Variants in PHF24 observed in about 807,000 individuals in gnomAD.
PHF24 encodes the protein PHD finger protein 24, also known as Galpha inhibitory interacting protein.
PHF24 carries 25 observed loss-of-function variants against 42.6 expected under a neutral mutation model. The ratio of observed to expected loss-of-function variants is 0.59; its 90% confidence interval spans 0.43 to 0.82. PHF24 has a LOEUF of 0.82. Ranked by LOEUF, PHF24 falls within the 40% of genes least tolerant of loss-of-function variation. The pLI, the probability that PHF24 is intolerant of heterozygous loss-of-function variation, is 0.00. For missense variants in PHF24, 470 were observed against 538.1 expected (o/e 0.87, Z 1.25); for synonymous variants, 185 against 204.8 (o/e 0.90, Z 0.83).
the PHF24 span, among the ~76,000 whole-genome samples, chr9:34,866,553 A>T: frequency 6.6e-6 from 1 of 152,114 alleles, no homozygotes; most frequent in African/African-American, 2.4e-5. Context: ...AGGGCCTATA[A>T]AAAAAATGCA....
At position 34,975,290 on chromosome 9, in the gene PHF24, C is replaced by T. The variant is rs113780513; in HGVS notation, c.565-862C>T. On this transcript the variant is annotated intron_variant, in intron 3 of 7. Transcript: ENST00000242315. ...CTCACAGTGTTACACACCACTGTGG[C>T]GCCCAGTGTTTACTAGGTGCTCAGT... Among the ~76,000 whole-genome samples, 18 of 152,252 alleles carry T rather than the reference C, an allele frequency of 1.2e-4. No homozygotes were observed. In the South Asian group the frequency reaches 2.3e-3, roughly 19 times the overall value.
chr9:34,787,934 G>A, the PHF24 span, among the ~76,000 whole-genome samples: 1 of 152,052 alleles, frequency 6.6e-6, no homozygotes, highest in African/African-American at 2.4e-5. Context: ...ATTGTTTTCT[G>A]TAAAATTATA....
chr9:34,957,509 G>A (rs1482519825), upstream of PHF24: 1 of 152,200 alleles, frequency 6.6e-6, no homozygotes, highest in Admixed American at 6.5e-5. Context: ...CTTCTGACAA[G>A]CTAGCTGTTT....
At chr9:34,711,708 A>T in the PHF24 span, among the ~76,000 whole-genome samples, 2 of 151,664 alleles carry the variant, frequency 1.3e-5, no homozygotes, top group African/African-American at 4.8e-5. Context: ...ACATCCAGCT[A>T]ATTTTTCTAT....
the PHF24 span, among the ~76,000 whole-genome samples, chr9:34,891,329 T>C: frequency 6.6e-6 from 1 of 152,202 alleles, no homozygotes; most frequent in African/African-American, 2.4e-5. Context: ...CAGTGATTTG[T>C]AGTCCCAACA....
chr9:34,744,541 G>A, the PHF24 span, among the ~76,000 whole-genome samples: 6 of 152,110 alleles, frequency 3.9e-5, no homozygotes, highest in Admixed American at 3.9e-4. Context: ...TTGTTCATTT[G>A]TCACTAAATA....
At chr9:34,687,493 A>G in the PHF24 span, among the ~76,000 whole-genome samples, 3 of 152,182 alleles carry the variant, frequency 2.0e-5, no homozygotes, top group Non-Finnish European at 4.4e-5. Flanking sequence ...GCCCAGAGTC[A>G]CACAATGAGT....
At chr9:34,690,267 A>G in the PHF24 span, 1 of 1,614,066 alleles carries the variant, frequency 6.2e-7, no homozygotes, top group East Asian at 2.2e-5. Flanking sequence ...GTTCCTCACG[A>G]TGTACCCAGG....
chr9:34,795,673 A>G, the PHF24 span, among the ~76,000 whole-genome samples: 1 of 152,190 alleles, frequency 6.6e-6, no homozygotes, highest in Non-Finnish European at 1.5e-5. Context: ...ATGACTTACT[A>G]TAAAACTACA....
the PHF24 span, chr9:34,726,694 G>A: frequency 3.0e-5 from 46 of 1,551,504 alleles, no homozygotes; most frequent in Non-Finnish European, 3.8e-5. Flanking sequence ...CAGCTGACTG[G>A]GTTAAAGATT....
At chr9:34,976,869 C>A (rs1827209579) in intron 5 of PHF24, 129 bp downstream of exon 5, 1 of 924,496 alleles carries the variant, frequency 1.1e-6, no homozygotes, top group Non-Finnish European at 1.6e-6. Flanking sequence ...GGCTCAGGTT[C>A]CATCCAGTGA....
the PHF24 span, among the ~76,000 whole-genome samples, chr9:34,870,741 A>G: frequency 3.3e-5 from 5 of 152,138 alleles, no homozygotes; most frequent in African/African-American, 1.2e-4. Context: ...TGGCAAAGAC[A>G]TGGAATCAAC....
chr9:34,971,401 C>T lies in PHF24; in HGVS notation c.103C>T (p.Arg35Ter), dbSNP rs1055523080. The change falls in exon 2 of 8, where the codon CGA (arginine) becomes TGA (stop). Residue 35 changes from arginine to a stop codon, truncating the protein, a stop_gained. Coordinates refer to ENST00000242315, the Ensembl canonical transcript of PHF24. LOFTEE classifies it high-confidence loss of function. Reference sequence around the variant, plus strand: ...TGGGCTGCGGGACAGGCCTTCCATCCGACGCACAGGTGAGCTGCCAGGGTC... The same window carrying T: ...TGGGCTGCGGGACAGGCCTTCCATCTGACGCACAGGTGAGCTGCCAGGGTC... 11 of 1,614,094 alleles carry T rather than the reference C, an allele frequency of 6.8e-6. No homozygotes were observed. Among genetic ancestry groups the T allele is most frequent in the Middle Eastern group, 1.6e-4 (1 of 6,062 alleles).
At chr9:34,803,589 G>T in the PHF24 span, among the ~76,000 whole-genome samples, 3 of 152,118 alleles carry the variant, frequency 2.0e-5, no homozygotes, top group Admixed American at 2.0e-4. Flanking sequence ...AAATGGTTCT[G>T]CTATTCTTCT....
At chr9:34,732,631 T>C in the PHF24 span, among the ~76,000 whole-genome samples, 1 of 152,118 alleles carries the variant, frequency 6.6e-6, no homozygotes, top group African/African-American at 2.4e-5. Flanking sequence ...TGTGAGCCCA[T>C]TTGTCCACTT....
At chr9:34,703,573 C>T in the PHF24 span, among the ~76,000 whole-genome samples, 1 of 151,896 alleles carries the variant, frequency 6.6e-6, no homozygotes, top group Non-Finnish European at 1.5e-5. Context: ...GGAATTGTGG[C>T]CAGCCAAAGT....
the PHF24 span, among the ~76,000 whole-genome samples, chr9:34,856,682 C>T: frequency 1.3e-5 from 2 of 152,182 alleles, no homozygotes; most frequent in African/African-American, 4.8e-5. Flanking sequence ...GGGGCACCAA[C>T]CTAATGCCAG....
At chr9:34,847,238 A>G in the PHF24 span, among the ~76,000 whole-genome samples, 1 of 152,146 alleles carries the variant, frequency 6.6e-6, no homozygotes, top group Non-Finnish European at 1.5e-5. Flanking sequence ...ATGAACATGG[A>G]ATGTTCTTCC....
the PHF24 span, among the ~76,000 whole-genome samples, chr9:34,913,397 T>C: frequency 1.4e-4 from 22 of 152,256 alleles, no homozygotes; most frequent in South Asian, 3.5e-3. Flanking sequence ...AGGAGGAAAT[T>C]GCTTGATTTC....
Sources: allele counts gnomAD v4.1 joint callset (sites outside exome capture counted in the v4.1 genomes callset), GRCh38; gene constraint gnomAD v4.1.1; transcripts MANE v1.5; gene names NCBI Gene and HGNC (gene_info 2026-07-23, HGNC 2026-07-21).